PCDHGA6: variants seen among roughly 807,000 people sequenced by gnomAD.
The protein encoded by PCDHGA6 is protocadherin gamma-A6.
Under a neutral mutation model 60.6 loss-of-function variants are expected in PCDHGA6, and 41 were observed. The ratio of observed to expected loss-of-function variants is 0.68; its 90% CI spans 0.53 to 0.88. The LOEUF is 0.88. Among genes scored for constraint, PCDHGA6 ranks in the 40% least tolerant of loss-of-function variants. PCDHGA6 has a pLI of 0.00. For synonymous variants in PCDHGA6, 594 were observed against 524.4 expected (o/e 1.13, Z -1.81); for missense variants, 1,312 against 1,203.0 (o/e 1.09, Z -1.34).
chr5:141,379,889 CTTTTTTTTTTTTTTTTT>C (rs70988800), intron 1 of PCDHGA6, among the ~76,000 whole-genome samples: 16 of 50,830 alleles, frequency 3.1e-4, no homozygotes, highest in East Asian at 2.5e-3. Flanking sequence ...GTGAAAGCCT[CTTTTTTTTTTTTTTTTT>C]TTTTTTTTTT....
chr5:141,398,985 A>C, intron 1 of PCDHGA6: 2 of 1,613,964 alleles, frequency 1.2e-6, no homozygotes, highest in Non-Finnish European at 1.7e-6. Context: ...GAACCGGGCA[A>C]ATCTTTAGTC....
intron 1 of PCDHGA6, among the ~76,000 whole-genome samples, chr5:141,437,926 T>C (rs1374182368): frequency 2.6e-5 from 4 of 152,058 alleles, no homozygotes; most frequent in Admixed American, 1.3e-4. Context: ...TTAGTAGAGA[T>C]GGGGTTTCAC....
Position 141,375,688 on chromosome 5 carries a change from C to T in PCDHGA6, c.1605C>T (p.Ser535=). 1 of 1,614,256 alleles carries T rather than the reference C, an allele frequency of 6.2e-7. No individual in the cohort carries two copies. The highest frequency in any genetic ancestry group is 8.5e-7 in the Non-Finnish European group (1 of 1,180,040). Residue 535 remains serine (S), a synonymous_variant, in exon 1 of 4, where the codon AGC becomes AGT. Coordinates refer to ENST00000517434, the MANE Select transcript of PCDHGA6 (RefSeq NM_018919.3). ...LRDLQLWVTA[S]DSGDPPLSSN... The stretch of plus-strand genomic sequence containing the variant: ...ACCTACAGCTGTGGGTGACAGCCAG[C>T]GACAGCGGGGACCCGCCTCTTAGCA...
chr5:141,394,511 C>T, intron 1 of PCDHGA6: 1 of 1,614,218 alleles, frequency 6.2e-7, no homozygotes. Flanking sequence ...TGTACCCCGC[C>T]CTCCCCACAG....
intron 1 of PCDHGA6, among the ~76,000 whole-genome samples, chr5:141,461,805 C>T (rs773854105): frequency 4.6e-5 from 7 of 151,854 alleles, no homozygotes; most frequent in Non-Finnish European, 8.8e-5. Flanking sequence ...AGGTGCCCAC[C>T]ACCACACCCA....
intron 1 of PCDHGA6, among the ~76,000 whole-genome samples, chr5:141,456,046 C>T (rs759479772): frequency 1.3e-5 from 2 of 151,904 alleles, no homozygotes; most frequent in Non-Finnish European, 2.9e-5. Context: ...TACAGGCGCC[C>T]ACCACCACGT....
At chr5:141,388,734 G>C in intron 1 of PCDHGA6, 1 of 1,614,018 alleles carries the variant, frequency 6.2e-7, no homozygotes, top group Non-Finnish European at 8.5e-7. Flanking sequence ...TTTCAGTGAA[G>C]CTAGCCAGAT....
intron 1 of PCDHGA6, among the ~76,000 whole-genome samples, chr5:141,470,268 G>A (rs1349444076): frequency 6.6e-6 from 1 of 152,082 alleles, no homozygotes; most frequent in East Asian, 1.9e-4. Flanking sequence ...GGAGATACAT[G>A]TTTGTTTGAT....
chr5:141,500,467 C>T lies in PCDHGA6; in HGVS notation c.2484-4926C>T, dbSNP rs368360639. 6.6e-5 allele frequency among the ~76,000 whole-genome samples: 10 copies of T among 152,262 alleles called. No homozygotes were observed. In the South Asian group the frequency reaches 2.1e-3, roughly 32 times the overall value. ...CTCGTGATCCGCCCGCCTCGGCCTC[C>T]CAAAGTGCTGGGATTACAGGCGTGA... is the stretch of plus-strand genomic sequence containing the variant. On this transcript the variant is annotated intron_variant, in intron 2 of 3. Coordinates refer to ENST00000517434, the MANE Select transcript of PCDHGA6 (RefSeq NM_018919.3).
intron 1 of PCDHGA6, chr5:141,389,146 C>A (rs567517174): frequency 3.7e-6 from 6 of 1,614,000 alleles, no homozygotes; most frequent in South Asian, 3.3e-5. Flanking sequence ...ATAACCGTTA[C>A]GGCAACAGAT....
intron 1 of PCDHGA6, among the ~76,000 whole-genome samples, chr5:141,381,820 C>CTTTCTTTCTTTCT (rs1279410534): frequency 1.7e-3 from 198 of 119,790 alleles, no homozygotes; most frequent in African/African-American, 6.6e-3. Context: ...TTCTTTCTTT[C>CTTTCTTTCTTTCT]TTCTTCTTTT....
chr5:141,399,628 G>A (rs775633916), intron 1 of PCDHGA6: 23 of 1,613,772 alleles, frequency 1.4e-5, no homozygotes, highest in South Asian at 2.2e-5. Context: ...GGCCTCTTAC[G>A]TGTCCATGAG....
At position 141,395,103 on chromosome 5, in the gene PCDHGA6, C is replaced by T. The variant is rs1462569715; in HGVS notation, c.2424+18596C>T. 9 of 1,614,156 alleles carry T rather than the reference C, an allele frequency of 5.6e-6. No homozygotes were observed. The highest frequency in any genetic ancestry group is 1.1e-5 in the South Asian group (1 of 91,074). On this transcript the variant is annotated intron_variant, in intron 1 of 3. Transcript: ENST00000517434. ...GGAAGTCTCCCTCACCGCCGACTCG[C>T]GGAAGAGTCACCTGATCTTTCCCCA... is the stretch of plus-strand genomic sequence containing the variant.
chr5:141,438,955 C>T (rs965336489), intron 1 of PCDHGA6, among the ~76,000 whole-genome samples: 3 of 151,926 alleles, frequency 2.0e-5, no homozygotes, highest in Non-Finnish European at 4.4e-5. Flanking sequence ...CATGAGCCAC[C>T]GCACCCTGCC....
At chr5:141,407,179 C>T (rs566759065) in intron 1 of PCDHGA6, among the ~76,000 whole-genome samples, 2 of 152,256 alleles carry the variant, frequency 1.3e-5, no homozygotes, top group South Asian at 2.1e-4. Context: ...GACATACAGA[C>T]ATTTTAATTA....
chr5:141,384,580 G>T, intron 1 of PCDHGA6: 1 of 1,614,196 alleles, frequency 6.2e-7, no homozygotes, highest in Non-Finnish European at 8.5e-7. Flanking sequence ...CAACCCGCCC[G>T]AGATCCTGTA....
intron 1 of PCDHGA6, chr5:141,384,517 C>G: frequency 6.2e-7 from 1 of 1,614,192 alleles, no homozygotes; most frequent in South Asian, 1.1e-5. Context: ...CAGCGGGGAC[C>G]CGCCTCTCAG....
At chr5:141,379,080 G>C (rs1467577464) in intron 1 of PCDHGA6, 1 of 152,176 alleles carries the variant, frequency 6.6e-6, no homozygotes, top group Non-Finnish European at 1.5e-5. Flanking sequence ...ATCTGAATTT[G>C]TTATGAATGT....
chr5:141,395,273 A>G, intron 1 of PCDHGA6: 1 of 1,543,700 alleles, frequency 6.5e-7, no homozygotes, highest in Non-Finnish European at 8.7e-7. Context: ...TAATTTCCAG[A>G]TGAATTTTAT....
Sources: allele counts gnomAD v4.1 joint callset (sites outside exome capture counted in the v4.1 genomes callset), GRCh38; gene constraint gnomAD v4.1.1; transcripts MANE v1.5; gene names NCBI Gene and HGNC (gene_info 2026-07-23, HGNC 2026-07-21).